Variants in CEP41 observed in about 807,000 individuals in gnomAD.
CEP41 encodes the protein centrosomal protein 41, also known as centrosomal protein of 41 kDa.
Under a neutral mutation model 44.3 loss-of-function variants are expected in CEP41, and 32 were observed. The observed-to-expected ratio is 0.72, with a 90% CI of 0.54 to 0.97. The LOEUF is 0.97. CEP41 is among the 50% of genes least tolerant of loss of function. The pLI, the probability that CEP41 is intolerant of heterozygous loss-of-function variation, is 0.00. For synonymous variants in CEP41, 151 were observed against 168.5 expected, an observed-to-expected ratio of 0.90 and a Z score of 0.80; for missense variants, 432 against 455.2, an observed-to-expected ratio of 0.95 and a Z score of 0.46.
intron 2 of CEP41, 73 bp from the exon 3 acceptor site, chr7:130,417,039 G>C: frequency 7.3e-7 from 1 of 1,371,930 alleles, no homozygotes; most frequent in South Asian, 1.2e-5. Context: ...AAACAGAATG[G>C]AGGAAAAGTA....
At position 130,414,328 on chromosome 7, in the gene CEP41, G is replaced by A. The variant is rs368562648; in HGVS notation, c.146-2088C>T. ...TGCAGACCCAAATAGGCCGAGCTGAGGCTTTACAAAGTACAACCAAATAAC... is the reference window on the plus strand; with the variant it reads ...TGCAGACCCAAATAGGCCGAGCTGAAGCTTTACAAAGTACAACCAAATAAC... On this transcript the variant is annotated intron_variant, in intron 3 of 10. Transcript: ENST00000223208. Among the ~76,000 whole-genome samples, 8 of 152,274 alleles carry A rather than the reference G, an allele frequency of 5.3e-5. No individual in the cohort carries two copies. The East Asian group carries it at 1.2e-3, about 22-fold the overall frequency.
intron 1 of CEP41, chr7:130,440,684 C>T (rs1798122678): frequency 1.7e-6 from 1 of 603,756 alleles, no homozygotes. Flanking sequence ...TCTTTGGGTA[C>T]TTCGCTCCTC....
chr7:130,421,883 T>C (rs1483005022), intron 2 of CEP41: 2 of 1,513,684 alleles, frequency 1.3e-6, no homozygotes, highest in Non-Finnish European at 1.8e-6. Flanking sequence ...AGAGGGTGCT[T>C]GAGAATATAC....
chr7:130,398,634 CTT>C lies in CEP41; in HGVS notation c.*255_*256del, dbSNP rs782109835. ...TTTTTTCCTATACAGTTTCACAAGA[CTT>C]AAATATGCTGTAAACAACAGGGAGG... On this transcript the variant is annotated 3_prime_UTR_variant, in exon 11 of 11. Coordinates refer to ENST00000223208, the MANE Select transcript of CEP41 (RefSeq NM_018718.3). 12 of 664,628 alleles carry C rather than the reference CTT, an allele frequency of 1.8e-5. No individual in the cohort carries two copies. Among genetic ancestry groups the C allele is most frequent in the African/African-American group, 5.3e-5 (3 of 56,512 alleles). The allele number at this position is 664,628 out of a possible 1,614,324, so 41.2% of individuals were successfully genotyped here.
intron 3 of CEP41, among the ~76,000 whole-genome samples, chr7:130,415,735 A>G (rs1434764594): frequency 6.6e-6 from 1 of 152,214 alleles, no homozygotes; most frequent in Non-Finnish European, 1.5e-5. Context: ...ACCCAAAAAG[A>G]AGCAGGCCAG....
In CEP41 at chr7:130,396,247, G is replaced by A; in HGVS notation, c.*2644C>T. The A allele has an allele frequency of 2.2e-6, 1 of 454,048 alleles. No individual in the cohort carries two copies. The highest frequency in any genetic ancestry group is 1.6e-5 in the South Asian group (1 of 64,478). The allele number at this position is 454,048 out of a possible 1,614,324, so 28.1% of individuals were successfully genotyped here. A position where few individuals can be genotyped will look rare whatever the true frequency, so the allele number is the denominator to read the frequency against. On this transcript the variant is annotated 3_prime_UTR_variant, in exon 11 of 11. Transcript: ENST00000223208. ...TCAGGGTTCACAAGCCCCAGACAAGGGCAGCTAGTCAACCCCTGAGACGCT... is the reference window on the plus strand; with the variant it reads ...TCAGGGTTCACAAGCCCCAGACAAGAGCAGCTAGTCAACCCCTGAGACGCT...
intron 2 of CEP41, among the ~76,000 whole-genome samples, chr7:130,427,413 T>C (rs1554423921): frequency 6.6e-6 from 1 of 152,196 alleles, no homozygotes; most frequent in Non-Finnish European, 1.5e-5. Flanking sequence ...GCAGCACTAA[T>C]TAAATTCTGA....
intron 1 of CEP41, 118 bp downstream of exon 1, chr7:130,440,816 C>T: frequency 1.5e-6 from 1 of 654,166 alleles, no homozygotes; most frequent in Non-Finnish European, 2.6e-6. Flanking sequence ...CCCCTCCTCA[C>T]GCCGGCCCCT....
At chr7:130,439,818 C>T (rs1232495801) in intron 1 of CEP41, among the ~76,000 whole-genome samples, 1 of 152,138 alleles carries the variant, frequency 6.6e-6, no homozygotes, top group African/African-American at 2.4e-5. Context: ...AGTTCACACA[C>T]TCCTTACCTT....
chr7:130,394,770 A>G lies in CEP41; in HGVS notation c.*4121T>C, dbSNP rs1313558920. 2 of 454,012 alleles carry G rather than the reference A, an allele frequency of 4.4e-6. No homozygotes were observed. The highest frequency in any genetic ancestry group is 8.8e-6 in the Non-Finnish European group (2 of 226,802). The allele number at this position is 454,012 out of a possible 1,614,324, so 28.1% of individuals were successfully genotyped here. A position where few individuals can be genotyped will look rare whatever the true frequency, so the allele number is the denominator to read the frequency against. ...AGGTTCAATTCATTTATTCATGAAC[A>G]CTTATTAAGGGCCACTGTCACAGGG... On this transcript the variant is annotated 3_prime_UTR_variant, in exon 11 of 11. Transcript: ENST00000223208.
In CEP41 at chr7:130,425,404, C is replaced by T. The variant is rs927303598; in HGVS notation, c.97+2551G>A. 2.6e-5 allele frequency among the ~76,000 whole-genome samples: 4 copies of T among 152,172 alleles called. No individual in the cohort carries two copies. The South Asian group carries it at 8.3e-4, about 31-fold the overall frequency. ...CTCCAGCCTGGGTGACGGGATAAGA[C>T]TCTGTCTCAAAAAACAAAACAAACC... is the stretch of plus-strand genomic sequence containing the variant. On this transcript the variant is annotated intron_variant, in intron 2 of 10. Coordinates refer to ENST00000223208, the MANE Select transcript of CEP41 (RefSeq NM_018718.3).
chr7:130,414,050 G>A lies in CEP41; in HGVS notation c.146-1810C>T, dbSNP rs140510456. On this transcript the variant is annotated intron_variant, in intron 3 of 10. Transcript: ENST00000223208. ...ACCTGGTGTAACTAATCACTTTCAT[G>A]AATTTTCCAAAAACCAGCACAGACC... Among the ~76,000 whole-genome samples the A allele has an allele frequency of 3.9e-4, 59 of 152,316 alleles. 2 individuals are homozygous for A. The highest frequency in any genetic ancestry group is 3.3e-3 in the South Asian group (16 of 4,832).
At chr7:130,427,587 G>A (rs1048417636) in intron 2 of CEP41, among the ~76,000 whole-genome samples, 3 of 152,178 alleles carry the variant, frequency 2.0e-5, no homozygotes, top group Non-Finnish European at 4.4e-5. Context: ...ATATGCATGT[G>A]TCTAATCCGT....
At chr7:130,422,523 G>C (rs1276048414) in intron 2 of CEP41, among the ~76,000 whole-genome samples, 2 of 152,120 alleles carry the variant, frequency 1.3e-5, no homozygotes, top group Non-Finnish European at 2.9e-5. Flanking sequence ...TCTGTACCCT[G>C]GCACATAATG....
chr7:130,407,258 ACACACACACACACAC>A (rs1797043061), intron 5 of CEP41, among the ~76,000 whole-genome samples: 3 of 116,500 alleles, frequency 2.6e-5, no homozygotes, highest in Admixed American at 2.5e-4. Context: ...GAGTAAACAC[ACACACACACACACAC>A]ACACACACAC....
intron 1 of CEP41, among the ~76,000 whole-genome samples, chr7:130,428,399 A>C (rs1797727633): frequency 7.6e-6 from 1 of 131,990 alleles, no homozygotes. Flanking sequence ...ACTGCACTCC[A>C]GCCTGGGTGA....
At chr7:130,440,021 GTTTAT>G (rs2117732912) in intron 1 of CEP41, among the ~76,000 whole-genome samples, 1 of 152,154 alleles carries the variant, frequency 6.6e-6, no homozygotes, top group East Asian at 1.9e-4. Flanking sequence ...TTTATTTATT[GTTTAT>G]TTTTATTTTT....
intron 10 of CEP41, 89 bp downstream of exon 10, chr7:130,399,950 C>A: frequency 2.0e-6 from 2 of 981,560 alleles, no homozygotes; most frequent in Non-Finnish European, 3.3e-6. Context: ...TTTTAAGAAT[C>A]TAAATATAAG....
intron 1 of CEP41, among the ~76,000 whole-genome samples, chr7:130,433,542 G>GT: frequency 6.6e-6 from 1 of 152,270 alleles, no homozygotes; most frequent in Non-Finnish European, 1.5e-5. Flanking sequence ...GAAAGTTCCT[G>GT]TTTGTGGTAT....
Sources: gnomAD v4.1 joint callset for allele counts (sites outside exome capture counted in the v4.1 genomes callset) on GRCh38, gnomAD v4.1.1 for gene constraint, MANE v1.5 for transcripts, NCBI Gene and HGNC (gene_info 2026-07-23, HGNC 2026-07-21) for gene names.